ADGB: variants seen among roughly 807,000 people sequenced by gnomAD.
ADGB encodes calpain-7-like protein.
In ADGB, 172 loss-of-function variants were observed where a neutral mutation model predicts 210.5. The observed-to-expected ratio is 0.82, with a 90% CI of 0.72 to 0.93. The LOEUF (loss-of-function observed/expected upper bound fraction) is 0.93. ADGB is among the 40% of genes least tolerant of loss of function. ADGB has a pLI of 0.00. For missense variants in ADGB, 2,025 were observed against 1,964.8 expected (o/e 1.03, Z -0.58); for synonymous variants, 658 against 662.7 (o/e 0.99, Z 0.11).
intron 9 of ADGB, among the ~76,000 whole-genome samples, chr6:146,679,792 T>G (rs748212674): frequency 6.6e-6 from 1 of 152,182 alleles, no homozygotes; most frequent in African/African-American, 2.4e-5. Context: ...AAAAGAAACC[T>G]TGATGCAAAT....
At chr6:146,676,708 T>G (rs78208499) in intron 9 of ADGB, among the ~76,000 whole-genome samples, 4,474 of 152,204 alleles carry the variant, frequency 0.029, 231 homozygotes, top group African/African-American at 0.1. Context: ...TTCAGGTATT[T>G]CTCTAAAAAA....
intron 35 of ADGB, chr6:146,803,803 G>A (rs1251230951): frequency 2.0e-5 from 11 of 538,086 alleles, no homozygotes; most frequent in Non-Finnish European, 3.6e-5. Flanking sequence ...GCGTCCCTCG[G>A]CTTCTGGGCC....
Position 146,715,382 on chromosome 6 carries a change from G to A in ADGB, c.1708G>A (p.Gly570Arg). 1.3e-6 allele frequency: 2 copies of A among 1,502,544 alleles called. No individual in the cohort carries two copies. The highest frequency in any genetic ancestry group is 1.8e-6 in the Non-Finnish European group (2 of 1,124,160). 93.1% of individuals were successfully genotyped at this position (1,502,544 alleles called of 1,614,324 possible). Residue 570 changes from glycine (G) to arginine (R), a missense_variant and splice_region_variant, in exon 14 of 36, where the codon GGA becomes AGA. Coordinates refer to ENST00000397944, the MANE Select transcript of ADGB (RefSeq NM_024694.4). ...LSQITKATSQ[G>R]NTASQVILGK... ...AAAGTGTGTTTCTTTTAATTCATAGGGAAATACTGCTTCACAAGTTATACT... is the reference window on the plus strand; with the variant it reads ...AAAGTGTGTTTCTTTTAATTCATAGAGAAATACTGCTTCACAAGTTATACT...
At chr6:146,786,003 G>A (rs1048208944) in intron 32 of ADGB, among the ~76,000 whole-genome samples, 1 of 151,694 alleles carries the variant, frequency 6.6e-6, no homozygotes, top group African/African-American at 2.4e-5. Context: ...AAAGAATGAT[G>A]CAACCTAGTT....
chr6:146,783,536 A>C (rs1777831112), intron 30 of ADGB, among the ~76,000 whole-genome samples: 1 of 152,188 alleles, frequency 6.6e-6, no homozygotes, highest in Non-Finnish European at 1.5e-5. Flanking sequence ...AAAAATAATA[A>C]AAGCTAATAT....
At chr6:146,701,520 C>CA (rs1442186222) in intron 13 of ADGB, among the ~76,000 whole-genome samples, 1 of 151,960 alleles carries the variant, frequency 6.6e-6, no homozygotes, top group Non-Finnish European at 1.5e-5. Flanking sequence ...TATTCTTTCT[C>CA]ACTATTCTTG....
chr6:146,728,904 G>T (rs985964735), intron 20 of ADGB, among the ~76,000 whole-genome samples, 163 bp downstream of exon 20: 1 of 152,178 alleles, frequency 6.6e-6, no homozygotes, highest in Non-Finnish European at 1.5e-5. Flanking sequence ...GGAGTAAAAA[G>T]AATGAAATGA....
At chr6:146,780,844 T>A (rs902394108) in intron 29 of ADGB, among the ~76,000 whole-genome samples, 25 of 152,096 alleles carry the variant, frequency 1.6e-4, no homozygotes, top group African/African-American at 5.8e-4. Context: ...TAAACCAACT[T>A]GACCTAACAT....
At position 146,794,217 on chromosome 6, in the gene ADGB, T is replaced by C. The variant is rs201279406; in HGVS notation, c.4537+5607T>C. On this transcript the variant is annotated intron_variant, in intron 33 of 35. Coordinates refer to ENST00000397944, the MANE Select transcript of ADGB (RefSeq NM_024694.4). ...GTAAGGAGGCAGATATAGGTTGAAGTTCCACATAAGAAGAATATGCCTTGG... is the reference window on the plus strand; with the variant it reads ...GTAAGGAGGCAGATATAGGTTGAAGCTCCACATAAGAAGAATATGCCTTGG... Among the ~76,000 whole-genome samples the C allele has an allele frequency of 3.0e-4, 45 of 152,270 alleles. No homozygotes were observed. In the East Asian group the frequency reaches 7.3e-3, roughly 25 times the overall value.
At chr6:146,793,076 T>C (rs1318067971) in intron 33 of ADGB, among the ~76,000 whole-genome samples, 1 of 152,152 alleles carries the variant, frequency 6.6e-6, no homozygotes, top group African/African-American at 2.4e-5. Flanking sequence ...GGTGGCCAGC[T>C]TTTATTCCAT....
At chr6:146,711,863 T>C (rs1272638835) in intron 13 of ADGB, among the ~76,000 whole-genome samples, 1 of 151,576 alleles carries the variant, frequency 6.6e-6, no homozygotes, top group Non-Finnish European at 1.5e-5. Flanking sequence ...ACCCCATCTC[T>C]ACAAAAACAA....
chr6:146,640,327 G>A (rs1017891025), intron 2 of ADGB, among the ~76,000 whole-genome samples: 2 of 151,948 alleles, frequency 1.3e-5, no homozygotes, highest in African/African-American at 4.8e-5. Context: ...AATTCTACCA[G>A]ATGTAGAAAG....
intron 20 of ADGB, 74 bp downstream of exon 20, chr6:146,728,815 C>A: frequency 8.2e-7 from 1 of 1,215,418 alleles, no homozygotes; most frequent in South Asian, 2.3e-5. Flanking sequence ...CATTAGGTGA[C>A]CTCCCAAATC....
intron 35 of ADGB, among the ~76,000 whole-genome samples, chr6:146,813,306 T>C (rs574666589): frequency 1.3e-5 from 2 of 150,976 alleles, no homozygotes; most frequent in Non-Finnish European, 2.9e-5. Context: ...TTCTTCTGGA[T>C]ATGTCTTAGA....
chr6:146,774,734 G>A (rs1777697008), intron 29 of ADGB, among the ~76,000 whole-genome samples: 1 of 152,128 alleles, frequency 6.6e-6, no homozygotes, highest in Non-Finnish European at 1.5e-5. Flanking sequence ...GCTCTGATTT[G>A]AAGTGCATGA....
intron 29 of ADGB, among the ~76,000 whole-genome samples, chr6:146,780,766 A>G (rs528368606): frequency 7.2e-5 from 11 of 152,306 alleles, no homozygotes; most frequent in Admixed American, 5.2e-4. Context: ...TTAATACCCC[A>G]ATTTTAATAA....
intron 1 of ADGB, among the ~76,000 whole-genome samples, chr6:146,622,736 C>A (rs1053832422): frequency 2.0e-4 from 30 of 151,890 alleles, no homozygotes; most frequent in African/African-American, 7.2e-4. Context: ...TTGATGAAAT[C>A]TTAATAAATT....
intron 27 of ADGB, among the ~76,000 whole-genome samples, chr6:146,762,272 T>C (rs1777503865): frequency 6.6e-6 from 1 of 152,194 alleles, no homozygotes; most frequent in Non-Finnish European, 1.5e-5. Context: ...TATTCAAGTT[T>C]ACTAATCTTT....
chr6:146,810,696 G>GA (rs1778290687), intron 35 of ADGB, among the ~76,000 whole-genome samples: 1 of 152,112 alleles, frequency 6.6e-6, no homozygotes, highest in African/African-American at 2.4e-5. Context: ...AAATATGCCA[G>GA]AAACTGAAAG....
Sources: gnomAD v4.1 joint callset for allele counts (sites outside exome capture counted in the v4.1 genomes callset) on GRCh38, gnomAD v4.1.1 for gene constraint, MANE v1.5 for transcripts, NCBI Gene and HGNC (gene_info 2026-07-23, HGNC 2026-07-21) for gene names.